The following CTNNA2 variants were observed in gnomAD, a reference collection of about 807,000 sequenced individuals.
CTNNA2 encodes catenin alpha-2.
In CTNNA2, 42 loss-of-function variants were observed where a neutral mutation model predicts 101.0. That is an observed-to-expected ratio of 0.42 (90% confidence interval 0.32 to 0.54). CTNNA2 has a LOEUF of 0.54. Ranked by LOEUF, CTNNA2 falls within the 20% of genes least tolerant of loss-of-function variation. The pLI, the probability that CTNNA2 is intolerant of heterozygous loss-of-function variation, is 0.14. For synonymous variants in CTNNA2, 450 were observed against 456.4 expected (o/e 0.99, Z 0.18); for missense variants, 871 against 1,223.1 (o/e 0.71, Z 4.29).
At chr2:80,188,461 T>C (rs1706270499) in intron 7 of CTNNA2, among the ~76,000 whole-genome samples, 1 of 152,156 alleles carries the variant, frequency 6.6e-6, no homozygotes, top group Admixed American at 6.6e-5. Flanking sequence ...ACTTAGAGGC[T>C]TGAAACAACA....
At chr2:79,934,099 A>C (rs139433779) in intron 7 of CTNNA2, among the ~76,000 whole-genome samples, 8 of 152,342 alleles carry the variant, frequency 5.3e-5, no homozygotes, top group African/African-American at 1.9e-4. Context: ...AGAGATACAT[A>C]ATTTCTAAGG....
chr2:79,374,013 G>T (rs1417140317), exon 4 of CTNNA2: 3 of 152,130 alleles, frequency 2.0e-5, no homozygotes, highest in Non-Finnish European at 4.4e-5. Context: ...TGAACCTAAA[G>T]GCAAGACCTT....
chr2:80,077,050 C>T lies in CTNNA2; in HGVS notation c.1056+167253C>T, dbSNP rs189269555. Among the ~76,000 whole-genome samples the T allele has an allele frequency of 4.2e-3, 645 of 151,796 alleles. 7 individuals are homozygous for T. The highest frequency in any genetic ancestry group is 0.014 in the African/African-American group (591 of 41,442). On this transcript the variant is annotated intron_variant, in intron 7 of 18. Transcript: ENST00000402739. ...GACAGAGTGAGACTCTGTCTCAAAACAAACAAACAAACAAAAGTTAGAGAC... is the reference window on the plus strand; with the variant it reads ...GACAGAGTGAGACTCTGTCTCAAAATAAACAAACAAACAAAAGTTAGAGAC...
intron 8 of CTNNA2, among the ~76,000 whole-genome samples, chr2:80,405,071 G>T (rs1276474537): frequency 1.3e-5 from 2 of 152,126 alleles, no homozygotes; most frequent in East Asian, 3.9e-4. Context: ...TAGGAACTGG[G>T]CATGTCTCTG....
At chr2:79,412,455 C>T (rs1442475451) in intron 4 of CTNNA2, among the ~76,000 whole-genome samples, 3 of 151,892 alleles carry the variant, frequency 2.0e-5, no homozygotes, top group Non-Finnish European at 4.4e-5. Flanking sequence ...TTTTTCAGCA[C>T]CACACCACAC....
intron 7 of CTNNA2, among the ~76,000 whole-genome samples, chr2:80,277,568 A>AAAAG (rs1674013486): frequency 6.6e-6 from 1 of 151,796 alleles, no homozygotes; most frequent in South Asian, 2.1e-4. Flanking sequence ...AAAAAAAAAA[A>AAAAG]AAAAATGGAC....
chr2:80,525,213 A>G (rs1217932836), intron 9 of CTNNA2, among the ~76,000 whole-genome samples: 4 of 150,894 alleles, frequency 2.7e-5, no homozygotes, highest in Non-Finnish European at 5.9e-5. Context: ...TTTTTTTTTA[A>G]TAGCAATTTT....
At chr2:79,760,154 G>A (rs1231562940) in intron 3 of CTNNA2, among the ~76,000 whole-genome samples, 1 of 152,148 alleles carries the variant, frequency 6.6e-6, no homozygotes, top group African/African-American at 2.4e-5. Flanking sequence ...AATAATGATT[G>A]TCATATAGGC....
chr2:80,488,582 A>C (rs548634664), intron 9 of CTNNA2, among the ~76,000 whole-genome samples: 1 of 152,334 alleles, frequency 6.6e-6, no homozygotes, highest in African/African-American at 2.4e-5. Context: ...TCCTACTTGG[A>C]CAAACAAAAT....
chr2:79,716,458 A>T (rs1418020303), intron 2 of CTNNA2, among the ~76,000 whole-genome samples: 2 of 152,002 alleles, frequency 1.3e-5, no homozygotes, highest in Non-Finnish European at 2.9e-5. Flanking sequence ...ATTCTTCCTG[A>T]TGGTCTCCCT....
rs1670978638 is a variant in CTNNA2 at position 79,469,781 on chromosome 2, C to T, written c.-134-35273C>T. On this transcript the variant is annotated intron_variant, in intron 4 of 21. Coordinates refer to the CTNNA2 transcript ENST00000466387. ...TAAACAGAACCAAAGACAAAAACCA[C>T]ATGATTATCTCAATAGATGCAGAAA... Among the ~76,000 whole-genome samples, 4 of 152,152 alleles carry T rather than the reference C, an allele frequency of 2.6e-5. No homozygotes were observed. The South Asian group carries it at 8.3e-4, about 31-fold the overall frequency.
At chr2:80,443,643 G>A (rs537870303) in intron 9 of CTNNA2, among the ~76,000 whole-genome samples, 16 of 152,138 alleles carry the variant, frequency 1.1e-4, no homozygotes, top group Admixed American at 3.3e-4. Context: ...AGGCACTGTC[G>A]TTAATTAGCA....
chr2:80,593,331 T>TA (rs1332494859), intron 15 of CTNNA2, among the ~76,000 whole-genome samples: 4 of 151,832 alleles, frequency 2.6e-5, no homozygotes, highest in African/African-American at 7.3e-5. Context: ...GATGTGATTT[T>TA]TTTTTTCTTT....
At chr2:79,998,434 C>A (rs1037780690) in intron 7 of CTNNA2, among the ~76,000 whole-genome samples, 8 of 152,100 alleles carry the variant, frequency 5.3e-5, no homozygotes, top group African/African-American at 7.2e-5. Flanking sequence ...ATGTTTCATG[C>A]ATCTTTCTGT....
chr2:80,553,295 C>T (rs1692750450), intron 11 of CTNNA2, among the ~76,000 whole-genome samples: 1 of 151,668 alleles, frequency 6.6e-6, no homozygotes, highest in African/African-American at 2.4e-5. Context: ...CTTTGTACAA[C>T]ATTATTAACC....
At chr2:80,210,171 A>T (rs967888994) in intron 7 of CTNNA2, among the ~76,000 whole-genome samples, 3 of 152,218 alleles carry the variant, frequency 2.0e-5, no homozygotes, top group South Asian at 4.1e-4. Context: ...TTCCAATGTC[A>T]AATTAAAGCC....
chr2:80,317,436 A>T (rs1678234330), intron 7 of CTNNA2, among the ~76,000 whole-genome samples: 1 of 152,116 alleles, frequency 6.6e-6, no homozygotes, highest in African/African-American at 2.4e-5. Context: ...GTGCCTTAAC[A>T]CAGCTGGTAT....
intron 3 of CTNNA2, among the ~76,000 whole-genome samples, chr2:79,324,436 C>T (rs1482701199): frequency 6.6e-6 from 1 of 152,040 alleles, no homozygotes; most frequent in African/African-American, 2.4e-5. Flanking sequence ...TGTGAGAATC[C>T]CATAAGAAAG....
intron 7 of CTNNA2, among the ~76,000 whole-genome samples, chr2:79,948,028 GT>G (rs1338825780): frequency 1.3e-5 from 2 of 152,200 alleles, no homozygotes; most frequent in Non-Finnish European, 2.9e-5. Context: ...GCTAGGTCAT[GT>G]GGTAATGTCT....
Sources: allele counts gnomAD v4.1 joint callset (sites outside exome capture counted in the v4.1 genomes callset), GRCh38; gene constraint gnomAD v4.1.1; transcripts MANE v1.5; gene names NCBI Gene and HGNC (gene_info 2026-07-23, HGNC 2026-07-21).